Variants in CFH observed in about 807,000 individuals in gnomAD.
CFH encodes the protein complement factor H, also known as H factor 1 (complement).
A neutral mutation model predicts 147.3 loss-of-function variants in CFH; 53 were observed. The ratio of observed to expected loss-of-function variants is 0.36; its 90% CI spans 0.29 to 0.45. CFH has a LOEUF of 0.45. Ranked by LOEUF, CFH falls within the 20% of genes least tolerant of loss-of-function variation. The pLI is 1.00. For missense variants in CFH, 1,380 were observed against 1,498.0 expected, an observed-to-expected ratio of 0.92 and a Z score of 1.30; for synonymous variants, 536 against 489.4, an observed-to-expected ratio of 1.10 and a Z score of -1.26.
intron 1 of CFH, among the ~76,000 whole-genome samples, chr1:196,668,617 T>C (rs1318196972): frequency 6.6e-6 from 1 of 152,052 alleles, no homozygotes; most frequent in East Asian, 1.9e-4. Flanking sequence ...AGTGAGTGAG[T>C]TCTTATGAGA....
chr1:196,726,441 C>T (rs369796086), intron 12 of CFH, 29 bp from the exon 13 acceptor site: 212 of 1,520,922 alleles, frequency 1.4e-4, no homozygotes, highest in Non-Finnish European at 1.9e-4. Context: ...GACAATTTAA[C>T]CATTATTTAC....
intron 1 of CFH, among the ~76,000 whole-genome samples, chr1:196,665,311 A>G (rs1472346038): frequency 1.3e-5 from 2 of 151,070 alleles, no homozygotes; most frequent in Admixed American, 6.6e-5. Flanking sequence ...AAATTGCTTT[A>G]TGCATTAAGC....
In CFH at chr1:196,728,471, A is replaced by T. The variant is rs1558179862; in HGVS notation, c.2362A>T (p.Ile788Leu). 1 of 1,613,034 alleles carries T rather than the reference A, an allele frequency of 6.2e-7. No individual in the cohort carries two copies. The highest frequency in any genetic ancestry group is 8.5e-7 in the Non-Finnish European group (1 of 1,179,236). The change falls in exon 15 of 22, where the codon ATA becomes TTA. Residue 788 changes from isoleucine (I) to leucine (L), a missense_variant. This residue lies in a region of CFH where 830 missense variants were observed against 821.4 expected (regional missense o/e 1.01). Coordinates refer to ENST00000367429, the MANE Select transcript of CFH (RefSeq NM_000186.4). Reference protein sequence around the residue: ...RYRCRGKEGWIHTVCINGRWD... With the variant: ...RYRCRGKEGWLHTVCINGRWD... ...CAGATGTAGAGGAAAAGAAGGATGG[A>T]TACACACAGTCTGCATAAATGGAAG...
rs150202638 is a variant in CFH, at chr1:196,737,583, A to C, written c.2705A>C (p.Glu902Ala). Residue 902 changes from glutamate to alanine, a missense_variant, in exon 17 of 22, where the codon GAG (glutamate) becomes GCG (alanine). Physicochemically the swap from Glu to Ala is moderately radical, Grantham distance 107. Transcript: ENST00000367429. ...GGGACTAAATTGAGTTATACTTGTG[A>C]GGGTGGTTTCAGGATATCTGAAGAA... is the stretch of plus-strand genomic sequence containing the variant. ...AHGTKLSYTC[E>A]GGFRISEENE... 6.2e-6 allele frequency: 10 copies of C among 1,613,442 alleles called. No individual in the cohort carries two copies. In the African/African-American group the frequency reaches 1.1e-4, roughly 17 times the overall value.
At chr1:196,691,633 G>T (rs1024080966) in intron 9 of CFH, among the ~76,000 whole-genome samples, 3 of 151,718 alleles carry the variant, frequency 2.0e-5, no homozygotes, top group Non-Finnish European at 2.9e-5. Flanking sequence ...TTATTAGTTG[G>T]AATCATCTTA....
intron 3 of CFH, 83 bp from the exon 4 acceptor site, chr1:196,675,906 T>G: frequency 1.2e-6 from 1 of 845,804 alleles, no homozygotes; most frequent in Non-Finnish European, 2.0e-6. Context: ...ATATGGAGTT[T>G]CTGGACACTC....
At chr1:196,734,251 G>C (rs1228807357) in intron 15 of CFH, among the ~76,000 whole-genome samples, 1 of 152,064 alleles carries the variant, frequency 6.6e-6, no homozygotes, top group African/African-American at 2.4e-5. Context: ...TGTTAAGTAG[G>C]AGTCCCTTTA....
intron 11 of CFH, 52 bp from the exon 12 acceptor site, chr1:196,725,069 T>C: frequency 9.4e-6 from 14 of 1,486,412 alleles, no homozygotes; most frequent in Non-Finnish European, 1.2e-5. Flanking sequence ...TAAAATTAAC[T>C]TTGGCAATGA....
intron 9 of CFH, chr1:196,700,803 G>T: frequency 1.0e-6 from 1 of 985,390 alleles, no homozygotes; most frequent in Non-Finnish European, 1.2e-6. Context: ...AAGGGCCTTA[G>T]CTGGGGCCTT....
chr1:196,719,673 T>C (rs1668953456), intron 11 of CFH, among the ~76,000 whole-genome samples: 1 of 151,792 alleles, frequency 6.6e-6, no homozygotes, highest in South Asian at 2.1e-4. Context: ...AATAATATTT[T>C]GGATAATATT....
chr1:196,672,769 C>A (rs1478693678), intron 1 of CFH, among the ~76,000 whole-genome samples: 1 of 151,698 alleles, frequency 6.6e-6, no homozygotes, highest in African/African-American at 2.4e-5. Flanking sequence ...TATGTAGATA[C>A]AAATTTTATA....
At chr1:196,693,597 C>A (rs1668140879) in intron 9 of CFH, among the ~76,000 whole-genome samples, 1 of 152,022 alleles carries the variant, frequency 6.6e-6, no homozygotes, top group Admixed American at 6.6e-5. Flanking sequence ...GATTCATGCT[C>A]TGGGCGGGAT....
At chr1:196,731,975 A>T (rs1669290902) in intron 15 of CFH, among the ~76,000 whole-genome samples, 1 of 151,934 alleles carries the variant, frequency 6.6e-6, no homozygotes, top group Non-Finnish European at 1.5e-5. Flanking sequence ...ACTATCTTTC[A>T]TTAAACTTAT....
rs1242536117 is a variant in CFH, at chr1:196,673,174, A to C, written c.244+11A>C. ...TAAGGAAATGTCAGAGTAAGTACTT[A>C]ATACATTTGTGAAATTTATGAAAAC... On this transcript the variant is annotated intron_variant, in intron 2 of 21. Coordinates refer to ENST00000367429, the MANE Select transcript of CFH (RefSeq NM_000186.4). 6.2e-7 allele frequency: 1 copy of C among 1,609,096 alleles called. No individual in the cohort carries two copies. The highest frequency in any genetic ancestry group is 8.5e-7 in the Non-Finnish European group (1 of 1,175,968).
At chr1:196,691,950 T>C (rs571273904) in intron 9 of CFH, among the ~76,000 whole-genome samples, 12 of 152,182 alleles carry the variant, frequency 7.9e-5, no homozygotes, top group Admixed American at 7.9e-4. Flanking sequence ...AAATGAAATA[T>C]GGTAAACTCA....
At chr1:196,737,093 T>C in intron 16 of CFH, 87 bp downstream of exon 16, 1 of 1,149,246 alleles carries the variant, frequency 8.7e-7, no homozygotes, top group Non-Finnish European at 1.3e-6. Flanking sequence ...GAGAAGTTCT[T>C]TCTCTGTGTC....
Position 196,677,539 on chromosome 1 carries a change from C to T in CFH, c.491C>T (p.Pro164Leu). 6.2e-7 allele frequency: 1 copy of T among 1,613,112 alleles called. No homozygotes were observed. The highest frequency in any genetic ancestry group is 8.5e-7 in the Non-Finnish European group (1 of 1,179,436). ...NGKIVSSAMEPDREYHFGQAV... is the reference protein window; with the variant it reads ...NGKIVSSAMELDREYHFGQAV... ...AAAATTGTCAGTAGTGCAATGGAACCAGATCGGGAATACCATTTTGGACAA... is the reference window on the plus strand; with the variant it reads ...AAAATTGTCAGTAGTGCAATGGAACTAGATCGGGAATACCATTTTGGACAA... Residue 164 changes from proline to leucine, a missense_variant, in exon 5 of 22, where the codon CCA (proline) becomes CTA (leucine). By Grantham distance (98) the Pro-to-Leu change is moderately conservative. This residue lies in a region of CFH where 260 missense variants were observed against 263.3 expected (regional missense o/e 0.99). Coordinates refer to ENST00000367429, the MANE Select transcript of CFH (RefSeq NM_000186.4).
At chr1:196,699,610 A>T (rs902367322) in intron 9 of CFH, among the ~76,000 whole-genome samples, 1 of 152,218 alleles carries the variant, frequency 6.6e-6, no homozygotes, top group Non-Finnish European at 1.5e-5. Flanking sequence ...AACCAAGGCC[A>T]TATACAGTTC....
At chr1:196,664,772 T>C (rs1343489427) in intron 1 of CFH, among the ~76,000 whole-genome samples, 1 of 152,168 alleles carries the variant, frequency 6.6e-6, no homozygotes, top group Non-Finnish European at 1.5e-5. Flanking sequence ...TTTTCATAAA[T>C]ATTCTAATTA....
Sources: gnomAD v4.1 joint callset for allele counts (sites outside exome capture counted in the v4.1 genomes callset) on GRCh38, gnomAD v4.1.1 for gene constraint, gnomAD v4.1.1 regional missense constraint, MANE v1.5 for transcripts, NCBI Gene and HGNC (gene_info 2026-07-23, HGNC 2026-07-21) for gene names.